Variants in HIVEP3 observed in about 807,000 individuals in gnomAD.
HIVEP3 encodes transcription factor HIVEP3.
A neutral mutation model predicts 152.8 loss-of-function variants in HIVEP3; 49 were observed. That is an observed-to-expected ratio of 0.32 (90% CI 0.26 to 0.41). HIVEP3 has a LOEUF of 0.41. HIVEP3 is among the 10% of genes least tolerant of loss of function. The pLI, the probability that HIVEP3 is intolerant of heterozygous loss-of-function variation, is 1.00. For synonymous variants in HIVEP3, 1,269 were observed against 1,289.0 expected (o/e 0.98, Z 0.33); for missense variants, 2,790 against 3,103.3 (o/e 0.90, Z 2.40).
At chr1:41,972,368 A>G (rs1341281222) in intron 1 of HIVEP3, among the ~76,000 whole-genome samples, 1 of 152,224 alleles carries the variant, frequency 6.6e-6, no homozygotes, top group Non-Finnish European at 1.5e-5. Flanking sequence ...TTAGGAGCCA[A>G]CTGGGCCTAT....
chr1:41,756,285 G>A (rs2124233702), intron 1 of HIVEP3, among the ~76,000 whole-genome samples: 1 of 152,346 alleles, frequency 6.6e-6, no homozygotes, highest in Non-Finnish European at 1.5e-5. Context: ...ACTGGGGGAT[G>A]GGAAAAGTAT....
At chr1:41,768,404 C>T (rs560587804) in intron 1 of HIVEP3, among the ~76,000 whole-genome samples, 33 of 152,338 alleles carry the variant, frequency 2.2e-4, no homozygotes, top group South Asian at 8.3e-4. Flanking sequence ...CCTCCCATGA[C>T]ACATGGGAAT....
intron 1 of HIVEP3, among the ~76,000 whole-genome samples, chr1:42,028,569 G>T (rs1367190402): frequency 6.6e-6 from 1 of 152,074 alleles, no homozygotes. Flanking sequence ...AATCTGATTG[G>T]TCTTTCTTAG....
At chr1:41,990,742 T>C (rs1485977634) in intron 1 of HIVEP3, among the ~76,000 whole-genome samples, 1 of 147,576 alleles carries the variant, frequency 6.8e-6, no homozygotes, top group African/African-American at 2.5e-5. Flanking sequence ...ATTGACCACA[T>C]ACTTGGAAGT....
intron 1 of HIVEP3, among the ~76,000 whole-genome samples, chr1:41,951,680 A>G (rs191041827): frequency 6.6e-6 from 1 of 152,308 alleles, no homozygotes; most frequent in Admixed American, 6.5e-5. Flanking sequence ...ACGTACAATC[A>G]TGGTGGAAGG....
In HIVEP3 at chr1:41,581,141, C is replaced by T. The variant is rs2810565; in HGVS notation, c.3657G>A (p.Gln1219=). The T allele has an allele frequency of 1, 1,542,196 of 1,548,154 alleles. 768,319 individuals carry two copies. Among genetic ancestry groups the T allele is most frequent in the East Asian group, 1 (44,253 of 44,254 alleles). Residue 1219 remains glutamine (Q), a synonymous_variant, in exon 4 of 9, where the codon CAG becomes CAA. Coordinates refer to ENST00000372583, the MANE Select transcript of HIVEP3 (RefSeq NM_024503.5). This position sits in a 1 kb window ranked among gnomAD's most constrained non-coding sequence, Gnocchi z 4.5. ...ATGGCATGGGGAGGAAGGAAGGGGG[C>T]TGCCTGAAGGGGATGTTGGCTGGGT... ...MPHPANIPFR[Q]PPSFLPMPYP...
At chr1:41,631,033 A>G (rs1174955258) in intron 2 of HIVEP3, among the ~76,000 whole-genome samples, 1 of 152,250 alleles carries the variant, frequency 6.6e-6, no homozygotes, top group Non-Finnish European at 1.5e-5. Context: ...TTGGTTTTTA[A>G]TAACTGACTT....
At chr1:41,851,160 C>A (rs1334459434) in intron 1 of HIVEP3, among the ~76,000 whole-genome samples, 4 of 152,156 alleles carry the variant, frequency 2.6e-5, no homozygotes, top group Non-Finnish European at 4.4e-5. Context: ...AGGAACTTTA[C>A]CTTTCTGTCT....
intron 1 of HIVEP3, among the ~76,000 whole-genome samples, chr1:41,949,206 A>T (rs1309559930): frequency 1.3e-5 from 2 of 152,216 alleles, no homozygotes; most frequent in African/African-American, 4.8e-5. Context: ...ATGACCATCT[A>T]CACTGAGCAA....
chr1:41,874,239 A>T (rs1644129622), intron 1 of HIVEP3, among the ~76,000 whole-genome samples: 1 of 152,246 alleles, frequency 6.6e-6, no homozygotes, highest in Non-Finnish European at 1.5e-5. Flanking sequence ...GGTTTTTAAA[A>T]GGAGCCAAGA....
chr1:41,741,842 T>C (rs1647001438), intron 1 of HIVEP3, among the ~76,000 whole-genome samples: 1 of 152,228 alleles, frequency 6.6e-6, no homozygotes, highest in South Asian at 2.1e-4. Flanking sequence ...TTTTGAAAAC[T>C]AGAAGCCATC....
chr1:41,823,720 G>C (rs148161215), intron 1 of HIVEP3, among the ~76,000 whole-genome samples: 270 of 152,274 alleles, frequency 1.8e-3, no homozygotes, highest in African/African-American at 6.1e-3. Context: ...CAGCCTCTGG[G>C]GAGGGCAACA....
chr1:41,607,846 C>T (rs1338192827), intron 3 of HIVEP3, among the ~76,000 whole-genome samples: 2 of 152,212 alleles, frequency 1.3e-5, no homozygotes, highest in Non-Finnish European at 2.9e-5. Context: ...GTGGCTTCAC[C>T]GTGTGGACAT....
chr1:41,576,466 CTGCAGTGTTGTCAGGGGTGGG>C (rs1644329155), intron 4 of HIVEP3, among the ~76,000 whole-genome samples: 1 of 152,214 alleles, frequency 6.6e-6, no homozygotes, highest in Admixed American at 6.5e-5. Flanking sequence ...CCTGTAAACA[CTGCAGTGTTGTCAGGGGTGGG>C]TGCACTTTTG....
At chr1:42,024,617 A>G (rs1645572129) in intron 1 of HIVEP3, among the ~76,000 whole-genome samples, 1 of 152,180 alleles carries the variant, frequency 6.6e-6, no homozygotes, top group Non-Finnish European at 1.5e-5. Context: ...TTTAGCCTGT[A>G]AGATATTAAA....
At chr1:41,991,267 A>G (rs1410717455) in intron 1 of HIVEP3, among the ~76,000 whole-genome samples, 2 of 119,710 alleles carry the variant, frequency 1.7e-5, no homozygotes, top group African/African-American at 5.0e-5. Context: ...TAATAAAGAA[A>G]AAAAGAGAGA....
At chr1:41,984,179 C>T (rs572164518) in intron 1 of HIVEP3, among the ~76,000 whole-genome samples, 8 of 152,170 alleles carry the variant, frequency 5.3e-5, no homozygotes, top group African/African-American at 9.7e-5. Context: ...TGCTATATTG[C>T]CCAGGCTGGT....
intron 3 of HIVEP3, among the ~76,000 whole-genome samples, chr1:41,614,077 A>T (rs1644934115): frequency 6.6e-6 from 1 of 152,226 alleles, no homozygotes; most frequent in Non-Finnish European, 1.5e-5. Flanking sequence ...CCATCAGGGC[A>T]GTGTGGCGTC....
rs2810552 is a variant in HIVEP3 at position 41,529,795 on chromosome 1, T to A, written c.5208-4885A>T. Among the ~76,000 whole-genome samples the A allele has an allele frequency of 5.2e-5, 7 of 134,850 alleles. No homozygotes were observed. In the Admixed American group the frequency reaches 5.4e-4, roughly 10 times the overall value. 88.5% of individuals were successfully genotyped at this position (134,850 alleles called of 152,430 possible). On this transcript the variant is annotated intron_variant, in intron 5 of 8. Coordinates refer to ENST00000372583, the MANE Select transcript of HIVEP3 (RefSeq NM_024503.5). ...TTCCACATCCCCACACACTCATACA[T>A]ACACATAACCCCACAATCACACACC... is the stretch of plus-strand genomic sequence containing the variant.
Sources: allele counts gnomAD v4.1 joint callset (sites outside exome capture counted in the v4.1 genomes callset), GRCh38; gene constraint gnomAD v4.1.1; non-coding constraint Gnocchi (gnomAD v3.1); transcripts MANE v1.5; gene names NCBI Gene and HGNC (gene_info 2026-07-23, HGNC 2026-07-21).